FKBP9: variants seen among roughly 807,000 people sequenced by gnomAD.
The protein encoded by FKBP9 is peptidyl-prolyl cis-trans isomerase FKBP9.
Under a neutral mutation model 55.6 loss-of-function variants are expected in FKBP9, and 27 were observed. The ratio of observed to expected loss-of-function variants is 0.49; its 90% confidence interval spans 0.36 to 0.67. The LOEUF (loss-of-function observed/expected upper bound fraction) is 0.67. FKBP9 is among the 30% of genes least tolerant of loss of function. The pLI, the probability that FKBP9 is intolerant of heterozygous loss-of-function variation, is 0.00. For missense variants in FKBP9, 539 were observed against 742.8 expected, an observed-to-expected ratio of 0.73 and a Z score of 3.19; for synonymous variants, 267 against 296.5, an observed-to-expected ratio of 0.90 and a Z score of 1.02.
intron 1 of FKBP9, among the ~76,000 whole-genome samples, chr7:32,966,131 T>C (rs1269935497): frequency 1.5e-5 from 2 of 134,524 alleles, no homozygotes; most frequent in Non-Finnish European, 1.6e-5. Context: ...AAGCAGAGGT[T>C]GCAGTGAGCC....
At chr7:32,998,153 T>C (rs1784853485) in intron 7 of FKBP9, among the ~76,000 whole-genome samples, 1 of 152,192 alleles carries the variant, frequency 6.6e-6, no homozygotes, top group Non-Finnish European at 1.5e-5. Context: ...CACTGACTAT[T>C]AGAAGCTAGC....
At chr7:32,960,574 T>G (rs1214603923) in intron 1 of FKBP9, among the ~76,000 whole-genome samples, 1 of 152,246 alleles carries the variant, frequency 6.6e-6, no homozygotes, top group East Asian at 1.9e-4. Context: ...AATTTCTTGC[T>G]TGAGTTGATG....
At chr7:32,962,098 A>C (rs1469397298) in intron 1 of FKBP9, among the ~76,000 whole-genome samples, 1 of 152,132 alleles carries the variant, frequency 6.6e-6, no homozygotes, top group African/African-American at 2.4e-5. Flanking sequence ...CCACTGCTCT[A>C]AAAGAATCAC....
rs543489131 is a variant in FKBP9 at position 32,962,189 on chromosome 7, T to TG, written c.221+4397dup. Among the ~76,000 whole-genome samples the TG allele has an allele frequency of 4.6e-3, 695 of 152,076 alleles. 5 individuals carry two copies. The highest frequency in any genetic ancestry group is 0.016 in the African/African-American group (664 of 41,496). ...AGGCGGGCAGATCACCTGAGGGAGTTGGAGACCAGCCTGACCAACATGGAG... is the reference window on the plus strand; with the variant it reads ...AGGCGGGCAGATCACCTGAGGGAGTTGGGAGACCAGCCTGACCAACATGGAG... On this transcript the variant is annotated intron_variant, in intron 1 of 9. Transcript: ENST00000242209.
At chr7:33,004,638 G>C (rs142943717) in intron 9 of FKBP9, among the ~76,000 whole-genome samples, 8 of 152,028 alleles carry the variant, frequency 5.3e-5, no homozygotes, top group African/African-American at 1.9e-4. Context: ...TCCGCTTTTT[G>C]ATTTTTTTCT....
At chr7:32,976,204 G>A (rs1784360328) in intron 3 of FKBP9, 150 bp from the exon 4 acceptor site, 2 of 868,738 alleles carry the variant, frequency 2.3e-6, no homozygotes, top group South Asian at 3.3e-5. Context: ...TCTGCCCTGT[G>A]TTTGGGGGAA....
chr7:33,000,991 T>C (rs1288496422), intron 8 of FKBP9, among the ~76,000 whole-genome samples: 2 of 152,070 alleles, frequency 1.3e-5, no homozygotes, highest in African/African-American at 4.8e-5. Flanking sequence ...TTTCCCATGC[T>C]GGTCTTAACT....
intron 7 of FKBP9, among the ~76,000 whole-genome samples, chr7:32,999,599 T>C (rs1390717770): frequency 6.6e-6 from 1 of 152,150 alleles, no homozygotes; most frequent in Non-Finnish European, 1.5e-5. Flanking sequence ...TTATTTGCGA[T>C]TTAAAACGTC....
intron 6 of FKBP9, among the ~76,000 whole-genome samples, chr7:32,990,359 C>T (rs1420613959): frequency 1.3e-5 from 2 of 152,184 alleles, no homozygotes; most frequent in Non-Finnish European, 2.9e-5. Flanking sequence ...AAGATGGAAA[C>T]ACATTCTCCC....
chr7:33,005,119 G>A, intron 9 of FKBP9, 56 bp from the exon 10 acceptor site: 1 of 1,587,550 alleles, frequency 6.3e-7, no homozygotes, highest in Admixed American at 1.7e-5. Flanking sequence ...TCTGGCCCCA[G>A]GCCTGGCGTT....
intron 4 of FKBP9, 139 bp from the exon 5 acceptor site, chr7:32,980,225 T>G: frequency 1.4e-6 from 1 of 722,114 alleles, no homozygotes; most frequent in Non-Finnish European, 2.2e-6. Flanking sequence ...TGGGGGCCCA[T>G]TCAAGACCTG....
rs1165414419 is a variant in FKBP9, at chr7:33,002,724, T to C, written c.1421T>C (p.Leu474Pro). ...SAVLVFDIEL[L>P]ELVAGLPEGY... ...GTATTAGTGTTTGACATTGAGCTGC[T>C]GGAGCTGGTGGCTGGCCTTCCTGAG... Residue 474 changes from leucine (L) to proline (P), a missense_variant, in exon 9 of 10, where the codon CTG becomes CCG. Coordinates refer to ENST00000242209, the MANE Select transcript of FKBP9 (RefSeq NM_007270.5). 3 of 1,614,064 alleles carry C rather than the reference T, an allele frequency of 1.9e-6. No individual in the cohort carries two copies. Among genetic ancestry groups the C allele is most frequent in the African/African-American group, 1.3e-5 (1 of 74,944 alleles).
At position 32,967,058 on chromosome 7, in the gene FKBP9, T is replaced by C. The variant is rs1481359615; in HGVS notation, c.222-7559T>C. 2.0e-5 allele frequency among the ~76,000 whole-genome samples: 3 copies of C among 152,138 alleles called. No homozygotes were observed. In the East Asian group the frequency reaches 5.8e-4, roughly 29 times the overall value. On this transcript the variant is annotated intron_variant, in intron 1 of 9. Transcript: ENST00000242209. The stretch of plus-strand genomic sequence containing the variant: ...TTCCTGTCTGTAGGGTCACCATGGA[T>C]TGTGGCCCTAAACTAAAGGGCCCGG...
intron 1 of FKBP9, among the ~76,000 whole-genome samples, chr7:32,958,210 T>C (rs1011028147): frequency 2.0e-5 from 3 of 152,210 alleles, no homozygotes; most frequent in African/African-American, 7.2e-5. Flanking sequence ...GGGAATCTAG[T>C]CAGATGGTGC....
At chr7:32,969,331 G>GT (rs1268293219) in intron 1 of FKBP9, among the ~76,000 whole-genome samples, 1 of 151,504 alleles carries the variant, frequency 6.6e-6, no homozygotes, top group Non-Finnish European at 1.5e-5. Flanking sequence ...TTTCCCTTGT[G>GT]TTTTTTTCCT....
intron 7 of FKBP9, among the ~76,000 whole-genome samples, chr7:32,996,650 C>CTTCCTTCCT (rs1784795578): frequency 6.7e-6 from 1 of 148,320 alleles, no homozygotes; most frequent in Non-Finnish European, 1.5e-5. Flanking sequence ...TCCTTCCTTC[C>CTTCCTTCCT]TTCCTTCCTT....
At chr7:32,964,729 T>C (rs1784098837) in intron 1 of FKBP9, among the ~76,000 whole-genome samples, 1 of 152,152 alleles carries the variant, frequency 6.6e-6, no homozygotes, top group Non-Finnish European at 1.5e-5. Flanking sequence ...GAGATGGCTG[T>C]TTGAGGGAAA....
chr7:32,982,379 C>T (rs1024312528), intron 5 of FKBP9, among the ~76,000 whole-genome samples: 3 of 152,088 alleles, frequency 2.0e-5, no homozygotes, highest in African/African-American at 7.2e-5. Context: ...TTTTCTTCTC[C>T]TTAAATTATA....
chr7:32,961,530 C>T (rs10255445), intron 1 of FKBP9, among the ~76,000 whole-genome samples: 29,627 of 152,056 alleles, frequency 0.19, 3,469 homozygotes, highest in Admixed American at 0.35. Flanking sequence ...TATCAATTTA[C>T]AAAAATAAAT....
Sources: allele counts gnomAD v4.1 joint callset (sites outside exome capture counted in the v4.1 genomes callset), GRCh38; gene constraint gnomAD v4.1.1; transcripts MANE v1.5; gene names NCBI Gene and HGNC (gene_info 2026-07-23, HGNC 2026-07-21).